DMD: variants seen among roughly 807,000 people sequenced by gnomAD.
The protein encoded by DMD is mutant dystrophin.
DMD carries 63 observed loss-of-function variants against 330.1 expected under a neutral mutation model. That is an observed-to-expected ratio of 0.19 (90% CI 0.16 to 0.24). The LOEUF (loss-of-function observed/expected upper bound fraction) is 0.24, where lower values mean the gene tolerates loss of function less well. Among genes scored for constraint, DMD ranks in the 10% least tolerant of loss-of-function variants. The pLI is 1.00. For synonymous variants in DMD, 1,223 were observed against 959.8 expected (o/e 1.27, Z -5.07); for missense variants, 3,344 against 2,684.1 (o/e 1.25, Z -5.43).
intron 43 of DMD, among the ~76,000 whole-genome samples, chrX:32,273,869 C>T (rs1384575341): frequency 8.9e-6 from 1 of 112,025 alleles, no homozygotes; most frequent in Non-Finnish European, 1.9e-5. Flanking sequence ...AAGAAATAGG[C>T]TTCTCTTTTA....
At chrX:32,222,291 A>C (rs1329464004) in intron 43 of DMD, among the ~76,000 whole-genome samples, 1 of 111,863 alleles carries the variant, frequency 8.9e-6, no homozygotes, top group East Asian at 2.8e-4. Flanking sequence ...GCTAAGAGGA[A>C]ATTTTCTAGC....
intron 1 of DMD, among the ~76,000 whole-genome samples, chrX:33,032,809 T>G (rs951274599): frequency 4.4e-5 from 5 of 112,411 alleles, no homozygotes; most frequent in Non-Finnish European, 9.4e-5. Flanking sequence ...TTCCACCTTG[T>G]GCCAAATACT....
intron 51 of DMD, among the ~76,000 whole-genome samples, chrX:31,736,882 T>C (rs1256651246): frequency 9.0e-6 from 1 of 111,487 alleles, no homozygotes; most frequent in African/African-American, 3.3e-5. Flanking sequence ...GTTACTTAAA[T>C]GCTGTCTGTA....
At chrX:31,572,155 G>A (rs2075856661) in intron 55 of DMD, among the ~76,000 whole-genome samples, 1 of 111,065 alleles carries the variant, frequency 9.0e-6, no homozygotes, top group Non-Finnish European at 1.9e-5. Context: ...AAAATGAAAA[G>A]AATAGGAATA....
intron 74 of DMD, among the ~76,000 whole-genome samples, chrX:31,162,387 G>A (rs968685530): frequency 1.3e-4 from 12 of 92,519 alleles, no homozygotes; most frequent in African/African-American, 3.4e-4. Context: ...AAGGGAAATT[G>A]GATTGTAAGA....
chrX:32,997,328 C>G (rs777093978), intron 2 of DMD, among the ~76,000 whole-genome samples: 9 of 109,539 alleles, frequency 8.2e-5, no homozygotes, highest in Non-Finnish European at 1.7e-4. Flanking sequence ...TCACTGCAAC[C>G]TCCGCCTCCT....
intron 2 of DMD, among the ~76,000 whole-genome samples, chrX:32,940,916 T>A (rs2090367381): frequency 9.0e-6 from 1 of 110,887 alleles, no homozygotes; most frequent in Non-Finnish European, 1.9e-5. Context: ...ACACAAAGGT[T>A]CAATATCTAG....
chrX:32,057,029 C>T (rs2096181273), intron 44 of DMD, among the ~76,000 whole-genome samples: 1 of 111,185 alleles, frequency 9.0e-6, no homozygotes, highest in East Asian at 2.8e-4. Context: ...CTATGGTCAT[C>T]TCAATAGCTG....
intron 63 of DMD, among the ~76,000 whole-genome samples, chrX:31,255,833 C>T (rs2049901010): frequency 1.1e-5 from 1 of 94,278 alleles, no homozygotes; most frequent in African/African-American, 4.1e-5. Context: ...GGGAGTGCTA[C>T]AGCGTGATCT....
intron 44 of DMD, among the ~76,000 whole-genome samples, chrX:32,147,678 G>A (rs2147126924): frequency 9.0e-6 from 1 of 110,810 alleles, no homozygotes; most frequent in Non-Finnish European, 1.9e-5. Flanking sequence ...TGTCATATAT[G>A]TTTGTTAGCA....
chrX:32,754,655 TG>T (rs1275653803), intron 7 of DMD, among the ~76,000 whole-genome samples: 1 of 111,677 alleles, frequency 9.0e-6, no homozygotes, highest in Non-Finnish European at 1.9e-5. Context: ...TTAATTTAGA[TG>T]AATGAGTCAA....
intron 62 of DMD, among the ~76,000 whole-genome samples, chrX:31,292,785 GA>G (rs2053802147): frequency 8.9e-6 from 1 of 112,021 alleles, no homozygotes; most frequent in African/African-American, 3.2e-5. Flanking sequence ...GAAAATGTAT[GA>G]CAGATTCATG....
chrX:31,918,906 GGATTACAGGCGT>G (rs1230877278), intron 47 of DMD, among the ~76,000 whole-genome samples: 7 of 111,498 alleles, frequency 6.3e-5, no homozygotes, highest in Non-Finnish European at 1.3e-4. Flanking sequence ...CAAAGTGCTG[GGATTACAGGCGT>G]GAGCCACCGT....
chrX:32,887,770 A>AAAAAAAAAAAAAAAAAAAAAAAATAAAC lies in DMD; in HGVS notation c.94-37951_94-37950insGTTTATTTTTTTTTTTTTTTTTTTTTTT, dbSNP rs1383701636. On this transcript the variant is annotated intron_variant, in intron 2 of 78. Transcript: ENST00000357033. Reference sequence around the variant, plus strand: ...CAAAAAAAAAAAAAAAAAAAAAAAAAAAAAAACATCAACTAAAAGCTTATG... The same window carrying AAAAAAAAAAAAAAAAAAAAAAAATAAAC: ...CAAAAAAAAAAAAAAAAAAAAAAAAAAAAAAAAAAAAAAAAAAAAAAAATAAACAAAAAACATCAACTAAAAGCTTATG... Among the ~76,000 whole-genome samples, 2 of 70,337 alleles carry AAAAAAAAAAAAAAAAAAAAAAAATAAAC rather than the reference A, an allele frequency of 2.8e-5. 1 individual carries two copies. Among genetic ancestry groups the AAAAAAAAAAAAAAAAAAAAAAAATAAAC allele is most frequent in the Non-Finnish European group, 5.8e-5 (2 of 34,642 alleles). The allele number at this position is 70,337 out of a possible 115,157, so 61.1% of individuals were successfully genotyped here.
chrX:32,301,045 G>GTAA (rs2097521622), intron 42 of DMD, among the ~76,000 whole-genome samples: 1 of 109,628 alleles, frequency 9.1e-6, no homozygotes, highest in South Asian at 3.9e-4. Flanking sequence ...TAATATTGAT[G>GTAA]ACAGTAAACT....
At chrX:32,853,769 G>GAAAAAAAAA (rs1162458210) in intron 2 of DMD, among the ~76,000 whole-genome samples, 23 of 56,040 alleles carry the variant, frequency 4.1e-4, no homozygotes, top group African/African-American at 9.2e-4. Context: ...CACAGTGACA[G>GAAAAAAAAA]AAAAAAAAAA....
At chrX:32,632,961 C>T (rs939190954) in intron 11 of DMD, among the ~76,000 whole-genome samples, 1 of 112,302 alleles carries the variant, frequency 8.9e-6, no homozygotes, top group Non-Finnish European at 1.9e-5. Context: ...AGTGGTTGCT[C>T]AGAAGCCTTC....
chrX:31,425,597 T>G (rs1274850335), intron 60 of DMD, among the ~76,000 whole-genome samples: 2 of 110,367 alleles, frequency 1.8e-5, no homozygotes, highest in Admixed American at 9.7e-5. Flanking sequence ...CTTAAAGAGG[T>G]TCAGTGAGAT....
intron 11 of DMD, among the ~76,000 whole-genome samples, chrX:32,636,576 A>G (rs1325845185): frequency 8.9e-6 from 1 of 112,227 alleles, no homozygotes; most frequent in Non-Finnish European, 1.9e-5. Context: ...GAACAGTTTA[A>G]TTATTAATAT....
Sources: gnomAD v4.1 joint callset for allele counts (sites outside exome capture counted in the v4.1 genomes callset) on GRCh38, gnomAD v4.1.1 for gene constraint, MANE v1.5 for transcripts, NCBI Gene and HGNC (gene_info 2026-07-23, HGNC 2026-07-21) for gene names.